The following DTNA variants were observed in gnomAD, a reference collection of about 807,000 sequenced individuals.
DTNA encodes the protein dystrobrevin alpha, also known as dystrophin-related protein 3.
Under a neutral mutation model 100.7 loss-of-function variants are expected in DTNA, and 43 were observed. The ratio of observed to expected loss-of-function variants is 0.43; its 90% CI spans 0.33 to 0.55. DTNA has a LOEUF of 0.55. DTNA is among the 20% of genes least tolerant of loss of function. The probability of loss-of-function intolerance (pLI) is 0.04; values close to 1 mark genes in which losing one functional copy is unlikely to be tolerated. For missense variants in DTNA, 798 were observed against 953.9 expected, an observed-to-expected ratio of 0.84 and a Z score of 2.15; for synonymous variants, 349 against 347.9, an observed-to-expected ratio of 1.00 and a Z score of -0.04.
intron 1 of DTNA, among the ~76,000 whole-genome samples, chr18:34,534,927 A>G (rs1028053517): frequency 6.6e-6 from 1 of 152,112 alleles, no homozygotes; most frequent in African/African-American, 2.4e-5. Context: ...AGTCTTTGCT[A>G]TTGTAAATAG....
intron 1 of DTNA, among the ~76,000 whole-genome samples, chr18:34,497,950 C>CT (rs2039439673): frequency 2.0e-5 from 3 of 152,212 alleles, no homozygotes; most frequent in South Asian, 4.1e-4. Context: ...AGGAAAATAT[C>CT]TTTAACAGCT....
intron 1 of DTNA, among the ~76,000 whole-genome samples, chr18:34,529,746 G>A (rs955331655): frequency 6.6e-6 from 1 of 152,094 alleles, no homozygotes. Context: ...TGATATTACA[G>A]TGTCAAATTG....
intron 1 of DTNA, among the ~76,000 whole-genome samples, chr18:34,730,851 G>A (rs942576561): frequency 1.3e-5 from 2 of 152,172 alleles, no homozygotes; most frequent in Admixed American, 6.5e-5. Flanking sequence ...ACTCATGTTG[G>A]TGTGTCCAGT....
At chr18:34,656,280 G>A (rs2074357343) in intron 1 of DTNA, among the ~76,000 whole-genome samples, 1 of 152,192 alleles carries the variant, frequency 6.6e-6, no homozygotes, top group African/African-American at 2.4e-5. Context: ...TCCTAGAAGA[G>A]GTGAAGTAAG....
chr18:34,522,303 G>C (rs1036124263), intron 1 of DTNA, among the ~76,000 whole-genome samples: 1 of 152,160 alleles, frequency 6.6e-6, no homozygotes, highest in Non-Finnish European at 1.5e-5. Flanking sequence ...GGTTGAAAGA[G>C]GGCTATAAAG....
chr18:34,595,610 G>A (rs145654840), intron 1 of DTNA, among the ~76,000 whole-genome samples: 2,168 of 152,178 alleles, frequency 0.014, 47 homozygotes, highest in African/African-American at 0.05. Flanking sequence ...AGTATCTCAA[G>A]TGTTACTGGA....
At chr18:34,580,659 A>G (rs1355228553) in intron 1 of DTNA, among the ~76,000 whole-genome samples, 3 of 152,196 alleles carry the variant, frequency 2.0e-5, no homozygotes, top group Non-Finnish European at 4.4e-5. Flanking sequence ...CATCCTGCCA[A>G]TGTTTCTGGA....
At chr18:34,750,456 T>C (rs2092207561) in intron 1 of DTNA, among the ~76,000 whole-genome samples, 1 of 152,214 alleles carries the variant, frequency 6.6e-6, no homozygotes, top group African/African-American at 2.4e-5. Flanking sequence ...AAGTCCTATT[T>C]ACTTTTTTCA....
intron 1 of DTNA, among the ~76,000 whole-genome samples, chr18:34,512,813 G>A (rs1397828860): frequency 6.6e-6 from 1 of 151,910 alleles, no homozygotes; most frequent in Admixed American, 6.6e-5. Flanking sequence ...TTTGCATCTT[G>A]CAGGTTATAG....
In DTNA at chr18:34,534,519, A is replaced by G. The variant is rs1044197286; in HGVS notation, c.-2+41005A>G. On this transcript the variant is annotated intron_variant, in intron 1 of 19. Transcript: ENST00000283365. The stretch of plus-strand genomic sequence containing the variant: ...ACTTTAAGTTCTGGAATACATGCAC[A>G]GAACATGCAGGTTTGTTAGATAGGT... Among the ~76,000 whole-genome samples, 4 of 152,146 alleles carry G rather than the reference A, an allele frequency of 2.6e-5. No homozygotes were observed. In the East Asian group the frequency reaches 7.8e-4, roughly 30 times the overall value.
intron 1 of DTNA, among the ~76,000 whole-genome samples, chr18:34,562,807 G>A (rs1356542759): frequency 6.6e-6 from 1 of 152,152 alleles, no homozygotes; most frequent in Non-Finnish European, 1.5e-5. Context: ...CTGATTTAGG[G>A]AATAGTTATC....
At chr18:34,784,834 T>G (rs1197235213) in intron 3 of DTNA, among the ~76,000 whole-genome samples, 2 of 152,236 alleles carry the variant, frequency 1.3e-5, no homozygotes, top group Non-Finnish European at 2.9e-5. Context: ...GCTTGTTCCA[T>G]TTCCCAACTC....
At chr18:34,788,462 C>A (rs1052061125) in intron 3 of DTNA, among the ~76,000 whole-genome samples, 15 of 152,154 alleles carry the variant, frequency 9.9e-5, no homozygotes, top group African/African-American at 3.6e-4. Flanking sequence ...GTATTGTCCT[C>A]ATTTTACAGG....
In DTNA at chr18:34,879,717, C is replaced by T. The variant is rs1603346184; in HGVS notation, c.2160C>T (p.Asp720=). 8 of 1,614,016 alleles carry T rather than the reference C, an allele frequency of 5.0e-6. No homozygotes were observed. The East Asian group carries it at 1.3e-4, about 27-fold the overall frequency. The part of the protein sequence containing the change: ...SGATTSTMRG[D]MVTEDADPYV... Reference sequence around the variant, plus strand: ...CTACCACAAGTACCATGCGTGGCGACATGTGAGTATCTTCCGCTTGGAAGC... The same window carrying T: ...CTACCACAAGTACCATGCGTGGCGATATGTGAGTATCTTCCGCTTGGAAGC... The change falls in exon 20 of 23, where the codon GAC becomes GAT. Residue 720 remains aspartate, a splice_region_variant and synonymous_variant. Transcript: ENST00000444659.
At chr18:34,520,309 G>C (rs181111551) in intron 1 of DTNA, among the ~76,000 whole-genome samples, 8 of 152,286 alleles carry the variant, frequency 5.3e-5, no homozygotes, top group Admixed American at 4.6e-4. Context: ...ATGGATCCTT[G>C]AAGATTGAGT....
chr18:34,522,019 A>G (rs1047437100), intron 1 of DTNA, among the ~76,000 whole-genome samples: 22 of 152,306 alleles, frequency 1.4e-4, no homozygotes, highest in African/African-American at 5.3e-4. Flanking sequence ...TGAATGAATT[A>G]GTAACTATAG....
intron 16 of DTNA, among the ~76,000 whole-genome samples, chr18:34,863,647 C>T (rs983170941): frequency 2.6e-5 from 4 of 152,148 alleles, no homozygotes; most frequent in African/African-American, 7.2e-5. Context: ...TCAAGGGACC[C>T]CATAGCACAT....
At chr18:34,630,228 G>C (rs2057898241) in intron 1 of DTNA, among the ~76,000 whole-genome samples, 1 of 152,018 alleles carries the variant, frequency 6.6e-6, no homozygotes, top group Non-Finnish European at 1.5e-5. Flanking sequence ...ATGAAAAGGA[G>C]AGCTTATAGG....
chr18:34,807,768 A>G (rs890886103), intron 5 of DTNA, among the ~76,000 whole-genome samples: 10 of 151,896 alleles, frequency 6.6e-5, no homozygotes, highest in African/African-American at 2.4e-4. Flanking sequence ...CCTGAAAGAT[A>G]TAGAAAATTA....
Sources: gnomAD v4.1 joint callset for allele counts (sites outside exome capture counted in the v4.1 genomes callset) on GRCh38, gnomAD v4.1.1 for gene constraint, MANE v1.5 for transcripts, NCBI Gene and HGNC (gene_info 2026-07-23, HGNC 2026-07-21) for gene names.